The following ZNF83 variants were observed in gnomAD, a reference collection of about 807,000 sequenced individuals.
ZNF83 encodes zinc finger protein 83.
For synonymous variants in ZNF83, 209 were observed against 213.0 expected (o/e 0.98, Z 0.17); for missense variants, 552 against 629.9 (o/e 0.88, Z 1.32).
intron 2 of ZNF83, among the ~76,000 whole-genome samples, chr19:52,627,066 A>T (rs918427889): frequency 5.3e-5 from 8 of 152,058 alleles, no homozygotes; most frequent in African/African-American, 1.9e-4. Context: ...ACCTTGAGAA[A>T]TTCTTCTGGA....
At chr19:52,653,597 G>T (rs2061470613) in intron 3 of ZNF83, among the ~76,000 whole-genome samples, 1 of 152,070 alleles carries the variant, frequency 6.6e-6, no homozygotes, top group African/African-American at 2.4e-5. Flanking sequence ...CGTCTACGAT[G>T]CCCTACAAGG....
rs113471341 is a variant in ZNF83, at chr19:52,647,935, T to C, written c.-74+7626A>G. Among the ~76,000 whole-genome samples, 142 of 151,718 alleles carry C rather than the reference T, an allele frequency of 9.4e-4. 2 individuals carry two copies. The highest frequency in any genetic ancestry group is 3.0e-3 in the African/African-American group (125 of 41,378). ...GTACCCACTCTCTGGCACCCTAGAT[T>C]CCCAGCTGTGTTCCCTGCTGTTGTT... On this transcript the variant is annotated intron_variant, in intron 3 of 5. Transcript: ENST00000594682.
rs1320163390 is a variant in ZNF83 at position 52,652,810 on chromosome 19, T to C, written c.-74+2751A>G. Reference sequence around the variant, plus strand: ...GGCTTTGCCACACTCATTGCACTTATAAGGATTTTCTCCAGTATGAAGTCT... The same window carrying C: ...GGCTTTGCCACACTCATTGCACTTACAAGGATTTTCTCCAGTATGAAGTCT... On this transcript the variant is annotated intron_variant, in intron 3 of 5. Coordinates refer to the ZNF83 transcript ENST00000594682. The C allele has an allele frequency of 1.8e-5, 16 of 910,798 alleles. No individual in the cohort carries two copies. In the South Asian group the frequency reaches 1.8e-4, roughly 10 times the overall value. 56.4% of individuals were successfully genotyped at this position (910,798 alleles called of 1,614,324 possible). A position where few individuals can be genotyped will look rare whatever the true frequency, so the allele number is the denominator to read the frequency against.
rs534842260 is a variant in ZNF83, at chr19:52,659,033, ATATC to A, written c.-201+1725_-201+1728del. Among the ~76,000 whole-genome samples, 298 of 152,270 alleles carry A rather than the reference ATATC, an allele frequency of 2.0e-3. 1 individual carries two copies. The highest frequency in any genetic ancestry group is 6.7e-3 in the African/African-American group (280 of 41,554). On this transcript the variant is annotated intron_variant, in intron 2 of 5. Coordinates refer to the ZNF83 transcript ENST00000594682. ...CACCCAGCAGGACTGGCAAAGCAGA[ATATC>A]TATGTGTCGGTGTACGTTTCATTCA...
intron 2 of ZNF83, among the ~76,000 whole-genome samples, chr19:52,618,273 T>G (rs975435967): frequency 5.3e-5 from 8 of 151,776 alleles, no homozygotes; most frequent in Non-Finnish European, 7.4e-5. Context: ...TGTGTTTTTT[T>G]TTTTTTGAGA....
intron 1 of ZNF83, among the ~76,000 whole-genome samples, chr19:52,686,483 A>G (rs1208724987): frequency 2.4e-5 from 3 of 123,280 alleles, no homozygotes; most frequent in Non-Finnish European, 3.4e-5. Context: ...TATATATATA[A>G]ATAAATGAGA....
At chr19:52,639,168 T>TCTC (rs1707354197), upstream of ZNF83, among the ~76,000 whole-genome samples, 3 of 152,024 alleles carry the variant, frequency 2.0e-5, no homozygotes, top group Non-Finnish European at 4.4e-5. Context: ...AATGGCGCGA[T>TCTC]CTCTGTCTCC....
intron 1 of ZNF83, among the ~76,000 whole-genome samples, chr19:52,637,820 A>C (rs1034142877): frequency 2.6e-5 from 4 of 152,040 alleles, no homozygotes; most frequent in Non-Finnish European, 5.9e-5. Flanking sequence ...TGTGGAGGAG[A>C]GACCTGTGGA....
intron 1 of ZNF83, among the ~76,000 whole-genome samples, chr19:52,680,864 G>C (rs900808237): frequency 4.0e-5 from 6 of 150,798 alleles, no homozygotes; most frequent in Admixed American, 6.6e-5. Flanking sequence ...CGCCCGCCTC[G>C]GCCTCCCAAA....
At chr19:52,639,415 A>ATTTTTTTTTTTTTTTTTTTTTTTTTTTTT (rs1160711365), upstream of ZNF83, among the ~76,000 whole-genome samples, 1 of 86,348 alleles carries the variant, frequency 1.2e-5, no homozygotes, top group Admixed American at 1.7e-4. Flanking sequence ...AGTTTTTTCT[A>ATTTTTTTTTTTTTTTTTTTTTTTTTTTTT]TTTTTTTTTT....
chr19:52,680,673 C>G (rs376757657), intron 1 of ZNF83, among the ~76,000 whole-genome samples: 4 of 126,362 alleles, frequency 3.2e-5, no homozygotes, highest in African/African-American at 3.4e-5. Flanking sequence ...AGTGCAGTGG[C>G]GCGATCTCGG....
chr19:52,644,214 C>T (rs1056029), intron 3 of ZNF83, among the ~76,000 whole-genome samples: 1 of 151,278 alleles, frequency 6.6e-6, no homozygotes, highest in Non-Finnish European at 1.5e-5. Flanking sequence ...TACTGCATCC[C>T]ATTTAAAATT....
At chr19:52,665,015 G>A (rs916556866) in intron 1 of ZNF83, among the ~76,000 whole-genome samples, 6 of 152,260 alleles carry the variant, frequency 3.9e-5, no homozygotes, top group African/African-American at 1.4e-4. Context: ...AAACCTCAAA[G>A]TTGTCTAGGG....
At chr19:52,644,639 G>A (rs73061492) in intron 3 of ZNF83, among the ~76,000 whole-genome samples, 17,821 of 152,194 alleles carry the variant, frequency 0.12, 1,229 homozygotes, top group East Asian at 0.23. Flanking sequence ...ATGCAGAAGT[G>A]TGAACACACA....
chr19:52,619,774 C>A (rs565841349), intron 2 of ZNF83, among the ~76,000 whole-genome samples: 2 of 152,168 alleles, frequency 1.3e-5, no homozygotes, highest in Non-Finnish European at 2.9e-5. Flanking sequence ...GTAATCCCAG[C>A]TACATGGGAG....
intron 2 of ZNF83, among the ~76,000 whole-genome samples, chr19:52,626,950 G>A (rs199658162): frequency 7.4e-4 from 113 of 152,216 alleles, no homozygotes; most frequent in Admixed American, 2.4e-3. Context: ...TGAGGCAACC[G>A]AAAAGTACAA....
At chr19:52,638,849 G>C (rs908768968), upstream of ZNF83, among the ~76,000 whole-genome samples, 1 of 152,158 alleles carries the variant, frequency 6.6e-6, no homozygotes, top group Non-Finnish European at 1.5e-5. Context: ...CTGGGATATG[G>C]GCGCGGGAGT....
intron 1 of ZNF83, among the ~76,000 whole-genome samples, chr19:52,669,638 C>T (rs544408158): frequency 4.6e-5 from 7 of 152,264 alleles, no homozygotes; most frequent in Middle Eastern, 3.4e-3. Context: ...CTGCTCTGTC[C>T]AATAAGTTAG....
intron 2 of ZNF83, among the ~76,000 whole-genome samples, chr19:52,620,226 G>GTGTATA (rs1370831828): frequency 7.1e-6 from 1 of 140,592 alleles, no homozygotes; most frequent in Non-Finnish European, 1.6e-5. Flanking sequence ...ATGTGTGTAT[G>GTGTATA]TGTATATGTA....
Sources: allele counts gnomAD v4.1 joint callset (sites outside exome capture counted in the v4.1 genomes callset), GRCh38; gene constraint gnomAD v4.1.1; transcripts MANE v1.5; gene names NCBI Gene and HGNC (gene_info 2026-07-23, HGNC 2026-07-21).